MTSS1: variants seen among roughly 807,000 people sequenced by gnomAD.
MTSS1 encodes the protein protein MTSS 1.
MTSS1 carries 18 observed loss-of-function variants against 79.0 expected under a neutral mutation model. That is an observed-to-expected ratio of 0.23 (90% CI 0.16 to 0.34). The LOEUF is 0.34. MTSS1 is among the 10% of genes least tolerant of loss of function. The pLI is 1.00. For synonymous variants in MTSS1, 341 were observed against 368.6 expected, an observed-to-expected ratio of 0.93 and a Z score of 0.86; for missense variants, 815 against 986.2, an observed-to-expected ratio of 0.83 and a Z score of 2.33.
chr8:124,614,420 T>C (rs1404023749), intron 3 of MTSS1, among the ~76,000 whole-genome samples: 1 of 152,182 alleles, frequency 6.6e-6, no homozygotes, highest in Non-Finnish European at 1.5e-5. Flanking sequence ...GATGGGTGTG[T>C]TTCTTTTCCC....
At chr8:124,646,524 A>G (rs531684275) in intron 3 of MTSS1, among the ~76,000 whole-genome samples, 5 of 152,350 alleles carry the variant, frequency 3.3e-5, no homozygotes, top group African/African-American at 1.2e-4. Context: ...CCACAGTTTC[A>G]TAATTTAGAC....
chr8:124,716,272 A>G (rs960847269), intron 1 of MTSS1, among the ~76,000 whole-genome samples: 1 of 129,248 alleles, frequency 7.7e-6, no homozygotes, highest in Non-Finnish European at 1.7e-5. Context: ...CTTGGCAAAG[A>G]GAAATGAAAC....
chr8:124,659,582 G>A (rs1214326819), intron 3 of MTSS1, among the ~76,000 whole-genome samples: 1 of 152,122 alleles, frequency 6.6e-6, no homozygotes, highest in African/African-American at 2.4e-5. Context: ...GGCTCCTACT[G>A]GCAAGCAGCT....
In MTSS1 at chr8:124,553,693, C is replaced by G; in HGVS notation, c.1568-1G>C. ...ACAGAGAAATAATCATAATCTGAAA[C>G]TGATTATAGGATTTGATTAGACATA... is the stretch of plus-strand genomic sequence containing the variant. On this transcript the variant is annotated splice_acceptor_variant, in intron 13 of 13. Transcript: ENST00000518547. LOFTEE classifies it high-confidence loss of function. The surrounding 1 kb of genome is among the most constrained non-coding windows in gnomAD (Gnocchi z 6.0). 1 of 1,603,200 alleles carries G rather than the reference C, an allele frequency of 6.2e-7. No individual in the cohort carries two copies. Among genetic ancestry groups the G allele is most frequent in the South Asian group, 1.1e-5 (1 of 89,344 alleles).
At chr8:124,685,053 A>T (rs892791850) in intron 3 of MTSS1, among the ~76,000 whole-genome samples, 2 of 152,214 alleles carry the variant, frequency 1.3e-5, no homozygotes, top group Non-Finnish European at 2.9e-5. Flanking sequence ...TAAATAAATA[A>T]ATAAATATAA....
chr8:124,553,054 G>A lies in MTSS1; in HGVS notation c.2206C>T (p.Arg736Ter), dbSNP rs752826920. The change falls in exon 14 of 14, where the codon CGA becomes TGA. Residue 736 changes from arginine (R) to a stop codon, truncating the protein, a stop_gained. Transcript: ENST00000518547. LOFTEE classifies it high-confidence loss of function. The surrounding 1 kb of genome is among the most constrained non-coding windows in gnomAD (Gnocchi z 6.0). ...PQGEDMLNAIRRGVKLKKTTT... is the reference protein window; with the variant it reads ...PQGEDMLNAI The stretch of plus-strand genomic sequence containing the variant: ...GTCTTCTTCAGTTTCACGCCCCTTC[G>A]GATGGCGTTCAGCATGTCTTCTCCT... 4 of 1,613,968 alleles carry A rather than the reference G, an allele frequency of 2.5e-6. No homozygotes were observed. The highest frequency in any genetic ancestry group is 1.3e-5 in the African/African-American group (1 of 74,856).
chr8:124,574,837 A>G lies in MTSS1; in HGVS notation c.461-6301T>C, dbSNP rs368670298. Among the ~76,000 whole-genome samples the G allele has an allele frequency of 2.6e-5, 4 of 152,202 alleles. No individual in the cohort carries two copies. In the East Asian group the frequency reaches 7.7e-4, roughly 29 times the overall value. The stretch of plus-strand genomic sequence containing the variant: ...GAAGCCATTAGAATCCTGCAAAATG[A>G]CTTTCACCTGCCCCTGACTCACACA... On this transcript the variant is annotated intron_variant, in intron 6 of 13. Coordinates refer to ENST00000518547, the MANE Select transcript of MTSS1 (RefSeq NM_014751.6).
At chr8:124,640,122 G>C (rs748171121) in intron 3 of MTSS1, among the ~76,000 whole-genome samples, 2 of 152,156 alleles carry the variant, frequency 1.3e-5, no homozygotes, top group Non-Finnish European at 2.9e-5. Flanking sequence ...TGAATGTCTG[G>C]CCTCCCCTAG....
chr8:124,652,946 A>C (rs778807601), intron 3 of MTSS1, among the ~76,000 whole-genome samples: 5 of 152,192 alleles, frequency 3.3e-5, no homozygotes, highest in African/African-American at 1.2e-4. Context: ...CACCTCTGTG[A>C]TCTTATTTAC....
At chr8:124,671,487 C>T (rs987650203) in intron 3 of MTSS1, among the ~76,000 whole-genome samples, 1 of 152,206 alleles carries the variant, frequency 6.6e-6, no homozygotes, top group African/African-American at 2.4e-5. Context: ...GCCCTCCTGG[C>T]TGCCTTCTAC....
intron 3 of MTSS1, among the ~76,000 whole-genome samples, chr8:124,628,145 C>T (rs1174884168): frequency 5.3e-5 from 8 of 152,080 alleles, no homozygotes; most frequent in Admixed American, 2.0e-4. Flanking sequence ...CCAGCCTGGG[C>T]GACAGAGGGA....
intron 3 of MTSS1, among the ~76,000 whole-genome samples, chr8:124,595,408 G>A (rs1418761675): frequency 2.0e-5 from 3 of 152,170 alleles, no homozygotes; most frequent in Admixed American, 6.5e-5. Context: ...ATTCCTTCTG[G>A]AGGCTGCAGG....
chr8:124,590,745 A>G (rs892297572), intron 4 of MTSS1, among the ~76,000 whole-genome samples: 4 of 152,182 alleles, frequency 2.6e-5, no homozygotes, highest in African/African-American at 9.7e-5. Context: ...GTGGTCTGTG[A>G]GCTGCCACAT....
chr8:124,580,562 A>G, intron 6 of MTSS1: 1 of 1,535,984 alleles, frequency 6.5e-7, no homozygotes, highest in Non-Finnish European at 8.7e-7. Flanking sequence ...AAGAGTGTCC[A>G]CTGGCGGGGG....
intron 3 of MTSS1, among the ~76,000 whole-genome samples, chr8:124,670,880 C>T (rs1824040285): frequency 6.6e-6 from 1 of 152,096 alleles, no homozygotes; most frequent in Non-Finnish European, 1.5e-5. Context: ...TCTAAAATGG[C>T]TTAAGATACA....
At position 124,552,616 on chromosome 8, in the gene MTSS1, G is replaced by A. The variant is rs573136072; in HGVS notation, c.*376C>T. Reference sequence around the variant, plus strand: ...CTTGTGGGGAAAAAAAAAGAAGAGTGAAGTATAGTAAATCCTTTTCTAAAA... The same window carrying A: ...CTTGTGGGGAAAAAAAAAGAAGAGTAAAGTATAGTAAATCCTTTTCTAAAA... On this transcript the variant is annotated 3_prime_UTR_variant, in exon 14 of 14. Coordinates refer to ENST00000518547, the MANE Select transcript of MTSS1 (RefSeq NM_014751.6). 2.5e-5 allele frequency: 5 copies of A among 203,410 alleles called. No individual in the cohort carries two copies. The highest frequency in any genetic ancestry group is 4.0e-5 in the Non-Finnish European group (4 of 99,470). 12.6% of individuals were successfully genotyped at this position (203,410 alleles called of 1,614,324 possible). A position where few individuals can be genotyped will look rare whatever the true frequency, so the allele number is the denominator to read the frequency against.
At chr8:124,645,206 A>C (rs1196688354) in intron 3 of MTSS1, among the ~76,000 whole-genome samples, 2 of 152,158 alleles carry the variant, frequency 1.3e-5, no homozygotes, top group African/African-American at 4.8e-5. Context: ...TAGTCTCTAC[A>C]AAAAACAAAA....
chr8:124,694,212 G>C (rs770942118), intron 3 of MTSS1, among the ~76,000 whole-genome samples: 1 of 152,018 alleles, frequency 6.6e-6, no homozygotes, highest in African/African-American at 2.4e-5. Flanking sequence ...GGACTTGCGC[G>C]GAGTACAGAG....
At chr8:124,568,706 G>T in intron 6 of MTSS1, 170 bp from the exon 7 acceptor site, 1 of 1,472,022 alleles carries the variant, frequency 6.8e-7, no homozygotes, top group Non-Finnish European at 9.1e-7. Context: ...TCTAGGACCA[G>T]CCATTTCCAA....
Sources: allele counts gnomAD v4.1 joint callset (sites outside exome capture counted in the v4.1 genomes callset), GRCh38; gene constraint gnomAD v4.1.1; non-coding constraint Gnocchi (gnomAD v3.1); transcripts MANE v1.5; gene names NCBI Gene and HGNC (gene_info 2026-07-23, HGNC 2026-07-21).